The following HOGA1 variants were observed in gnomAD, a reference collection of about 807,000 sequenced individuals.
HOGA1 encodes the protein 4-hydroxy-2-oxoglutarate aldolase, mitochondrial.
A neutral mutation model predicts 34.3 loss-of-function variants in HOGA1; 30 were observed. The ratio of observed to expected loss-of-function variants is 0.87; its 90% CI spans 0.65 to 1.19. HOGA1 has a LOEUF of 1.19. Ranked by LOEUF, HOGA1 falls within the 50% of genes most tolerant of loss-of-function variation. The pLI is 0.00. For missense variants in HOGA1, 417 were observed against 436.5 expected (o/e 0.96, Z 0.40); for synonymous variants, 161 against 174.0 (o/e 0.93, Z 0.59).
rs1270383406 is a variant in HOGA1 at position 97,599,737 on chromosome 10, C to G, written c.526C>G (p.Leu176Val). Residue 176 changes from leucine (L) to valine (V), a missense_variant, in exon 4 of 7, where the codon CTG becomes GTG. Physicochemically the swap from Leu to Val is conservative, Grantham distance 32. Coordinates refer to ENST00000370646, the MANE Select transcript of HOGA1 (RefSeq NM_138413.4). The stretch of plus-strand genomic sequence containing the variant: ...GTACAGTGTCCCAGCCAACACAGGG[C>G]TGGACCTGCCTGTGGATGCAGTGGT... ...VLYSVPANTGLDLPVDAVVTL... is the reference protein window; with the variant it reads ...VLYSVPANTGVDLPVDAVVTL... 3.7e-6 allele frequency: 6 copies of G among 1,614,094 alleles called. No individual in the cohort carries two copies. The highest frequency in any genetic ancestry group is 1.6e-4 in the Middle Eastern group (1 of 6,084).
At chr10:97,599,908 A>G in intron 4 of HOGA1, 94 bp downstream of exon 4, 1 of 1,588,576 alleles carries the variant, frequency 6.3e-7, no homozygotes, top group South Asian at 1.1e-5. Flanking sequence ...TCTGTTTCCA[A>G]CCTTGGCTTC....
At chr10:97,586,679 C>T (rs1007975310) in intron 1 of HOGA1, among the ~76,000 whole-genome samples, 1 of 152,174 alleles carries the variant, frequency 6.6e-6, no homozygotes, top group African/African-American at 2.4e-5. Context: ...TTGCCTGACA[C>T]CCAGAGAATC....
At chr10:97,585,197 G>A (rs558332992) in intron 1 of HOGA1, among the ~76,000 whole-genome samples, 2 of 152,296 alleles carry the variant, frequency 1.3e-5, no homozygotes, top group South Asian at 2.1e-4. Context: ...TTCTGAGGTT[G>A]GACTGGATAA....
intron 5 of HOGA1, chr10:97,600,935 A>G (rs2041110693): frequency 6.6e-6 from 1 of 152,016 alleles, no homozygotes; most frequent in South Asian, 2.1e-4. Flanking sequence ...TCATTCCTGG[A>G]AGTGGAGTAG....
At chr10:97,605,922 A>G (rs908247295) in intron 6 of HOGA1, among the ~76,000 whole-genome samples, 1 of 152,042 alleles carries the variant, frequency 6.6e-6, no homozygotes, top group African/African-American at 2.4e-5. Context: ...AGCAAGTTTT[A>G]CATTTTGATG....
At chr10:97,585,056 A>G (rs1398422221) in intron 1 of HOGA1, 142 bp downstream of exon 1, 2 of 708,122 alleles carry the variant, frequency 2.8e-6, no homozygotes, top group East Asian at 2.7e-5. Flanking sequence ...GGAGAGGAAC[A>G]GGGGAGACTG....
At chr10:97,592,438 C>T (rs2041033909) in intron 1 of HOGA1, among the ~76,000 whole-genome samples, 1 of 151,736 alleles carries the variant, frequency 6.6e-6, no homozygotes, top group Non-Finnish European at 1.5e-5. Flanking sequence ...GACGGGGTTT[C>T]ACTGTGTTAG....
intron 1 of HOGA1, among the ~76,000 whole-genome samples, chr10:97,586,766 C>A (rs2040974331): frequency 6.6e-6 from 1 of 152,140 alleles, no homozygotes; most frequent in African/African-American, 2.4e-5. Context: ...CATGGGGTGC[C>A]CAGGAGCACA....
chr10:97,585,537 C>T (rs1589899771), intron 1 of HOGA1, among the ~76,000 whole-genome samples: 2 of 152,292 alleles, frequency 1.3e-5, no homozygotes, highest in East Asian at 3.9e-4. Context: ...ATTCTGCCTG[C>T]CCTGCTCCGC....
chr10:97,603,749 G>C lies in HOGA1; in HGVS notation c.834+1759G>C, dbSNP rs2041138367. The stretch of plus-strand genomic sequence containing the variant: ...GGCTAATTTTTGTGCTTTTAGTGAA[G>C]ACGGGTTTCACCATGTTGGCCAGGC... On this transcript the variant is annotated intron_variant, in intron 6 of 6. Coordinates refer to ENST00000370646, the MANE Select transcript of HOGA1 (RefSeq NM_138413.4). The surrounding 1 kb of genome is among the most constrained non-coding windows in gnomAD (Gnocchi z 4.5). Among the ~76,000 whole-genome samples, 1 of 151,496 alleles carries C rather than the reference G, an allele frequency of 6.6e-6. No homozygotes were observed. The highest frequency in any genetic ancestry group is 1.5e-5 in the Non-Finnish European group (1 of 67,834).
chr10:97,605,232 G>T (rs1397557243), intron 6 of HOGA1, among the ~76,000 whole-genome samples: 1 of 151,914 alleles, frequency 6.6e-6, no homozygotes, highest in African/African-American at 2.4e-5. Context: ...AACATGGGGA[G>T]ACTGTCTCTA....
intron 1 of HOGA1, chr10:97,589,718 G>C: frequency 1.6e-6 from 1 of 613,842 alleles, no homozygotes; most frequent in Non-Finnish European, 2.9e-6. Context: ...GGGCCTGCCT[G>C]TCAGACATCC....
chr10:97,584,804 A>G lies in HOGA1; in HGVS notation c.101A>G (p.Asp34Gly), dbSNP rs750339099. 2 of 1,613,938 alleles carry G rather than the reference A, an allele frequency of 1.2e-6. No homozygotes were observed. Among genetic ancestry groups the G allele is most frequent in the African/African-American group, 1.3e-5 (1 of 75,044 alleles). Residue 34 changes from aspartate to glycine, a missense_variant, in exon 1 of 7, where the codon GAC becomes GGC. Transcript: ENST00000370646. Reference sequence around the variant, plus strand: ...GCCTCAGGGGAGGGGAAGAAGGTGGACATTGCGGGTATCTACCCCCCTGTG... The same window carrying G: ...GCCTCAGGGGAGGGGAAGAAGGTGGGCATTGCGGGTATCTACCCCCCTGTG... ...VWASGEGKKV[D>G]IAGIYPPVTT...
At position 97,599,001 on chromosome 10, in the gene HOGA1, T is replaced by C. The variant is rs1332382167; in HGVS notation, c.341-88T>C. The C allele has an allele frequency of 6.2e-6, 10 of 1,606,802 alleles. No individual in the cohort carries two copies. In the Admixed American group the frequency reaches 1.3e-4, roughly 21 times the overall value. ...TCCTGTCTCCTTGTTCTGCCTCTTCTGGGACATGCTGAGGCACCTTCGCTT... is the reference window on the plus strand; with the variant it reads ...TCCTGTCTCCTTGTTCTGCCTCTTCCGGGACATGCTGAGGCACCTTCGCTT... On this transcript the variant is annotated intron_variant, in intron 2 of 6. Coordinates refer to ENST00000370646, the MANE Select transcript of HOGA1 (RefSeq NM_138413.4).
chr10:97,594,604 C>T (rs1017857567), intron 1 of HOGA1, among the ~76,000 whole-genome samples: 14 of 152,112 alleles, frequency 9.2e-5, no homozygotes, highest in African/African-American at 2.9e-4. Context: ...TCGCCCGCCT[C>T]GGCGTCCCAA....
Position 97,611,693 on chromosome 10 carries a change from T to C in HOGA1, c.*34T>C, listed in dbSNP as rs961975573. 1 of 1,600,206 alleles carries C rather than the reference T, an allele frequency of 6.2e-7. No homozygotes were observed. The highest frequency in any genetic ancestry group is 1.3e-5 in the African/African-American group (1 of 74,988). The stretch of plus-strand genomic sequence containing the variant: ...AGGGTCCATGGCTGGCCTGAGCCCA[T>C]CTCAGCCTCCTGCCTTGCACTTGCA... On this transcript the variant is annotated 3_prime_UTR_variant, in exon 7 of 7. Coordinates refer to ENST00000370646, the MANE Select transcript of HOGA1 (RefSeq NM_138413.4).
intron 1 of HOGA1, among the ~76,000 whole-genome samples, chr10:97,592,794 C>T (rs539612314): frequency 2.0e-5 from 3 of 150,346 alleles, no homozygotes; most frequent in East Asian, 2.0e-4. Flanking sequence ...TTTGGGAGGC[C>T]GAGATGGGCA....
At chr10:97,608,285 T>C (rs2041171351) in intron 6 of HOGA1, among the ~76,000 whole-genome samples, 7 of 151,954 alleles carry the variant, frequency 4.6e-5, no homozygotes, top group Admixed American at 3.9e-4. Context: ...CACTCCAGCC[T>C]GGACAAAAGA....
chr10:97,608,770 C>T (rs1331829895), intron 6 of HOGA1, among the ~76,000 whole-genome samples: 1 of 151,330 alleles, frequency 6.6e-6, no homozygotes, highest in East Asian at 1.9e-4. Flanking sequence ...CGTACCACTG[C>T]ACTCCAGCCT....
Sources: allele counts gnomAD v4.1 joint callset (sites outside exome capture counted in the v4.1 genomes callset), GRCh38; gene constraint gnomAD v4.1.1; non-coding constraint Gnocchi (gnomAD v3.1); transcripts MANE v1.5; gene names NCBI Gene and HGNC (gene_info 2026-07-23, HGNC 2026-07-21).